CSDC2: variants seen among roughly 807,000 people sequenced by gnomAD.
The protein encoded by CSDC2 is cold shock domain containing C2, also known as cold shock domain-containing protein C2.
Under a neutral mutation model 15.8 loss-of-function variants are expected in CSDC2, and 8 were observed. That is an observed-to-expected ratio of 0.51 (90% CI 0.30 to 0.92). The LOEUF (loss-of-function observed/expected upper bound fraction) is 0.92, where lower values mean the gene tolerates loss of function less well. CSDC2 is among the 40% of genes least tolerant of loss of function. The pLI, the probability that CSDC2 is intolerant of heterozygous loss-of-function variation, is 0.07. For synonymous variants in CSDC2, 96 were observed against 92.3 expected (o/e 1.04, Z -0.23); for missense variants, 195 against 213.3 (o/e 0.91, Z 0.53).
At chr22:41,566,414 A>T in intron 1 of CSDC2, among the ~76,000 whole-genome samples, 1 of 145,018 alleles carries the variant, frequency 6.9e-6, no homozygotes, top group Non-Finnish European at 1.5e-5. Flanking sequence ...ACTGCACTCC[A>T]GCCTGTTCAC....
intron 1 of CSDC2, among the ~76,000 whole-genome samples, chr22:41,571,470 T>C (rs940118089): frequency 2.0e-5 from 3 of 152,194 alleles, no homozygotes; most frequent in Admixed American, 6.5e-5. Context: ...ATGTTGGAGC[T>C]GATGTGTGGC....
chr22:41,565,470 A>G (rs1023566668), intron 1 of CSDC2, among the ~76,000 whole-genome samples: 6 of 149,232 alleles, frequency 4.0e-5, no homozygotes, highest in African/African-American at 1.5e-4. Context: ...AAAAAAAAAA[A>G]GAGGACTATG....
intron 1 of CSDC2, among the ~76,000 whole-genome samples, chr22:41,562,359 ATGTC>A (rs1351850364): frequency 7.0e-6 from 1 of 142,574 alleles, no homozygotes; most frequent in East Asian, 2.0e-4. Flanking sequence ...TTCTCCAAAA[ATGTC>A]TGTTTTCTGT....
intron 2 of CSDC2, among the ~76,000 whole-genome samples, chr22:41,572,695 G>A (rs1482568207): frequency 6.6e-6 from 1 of 152,196 alleles, no homozygotes; most frequent in South Asian, 2.1e-4. Flanking sequence ...TATGGAAGAT[G>A]TATCAGGTGA....
At chr22:41,574,080 T>C (rs1327933545) in intron 3 of CSDC2, among the ~76,000 whole-genome samples, 2 of 152,192 alleles carry the variant, frequency 1.3e-5, no homozygotes, top group Non-Finnish European at 2.9e-5. Flanking sequence ...AGGGCCTTCA[T>C]GTGGGTGGGC....
chr22:41,568,164 G>T (rs73178647), intron 1 of CSDC2, among the ~76,000 whole-genome samples: 2 of 139,884 alleles, frequency 1.4e-5, no homozygotes, highest in Non-Finnish European at 3.0e-5. Context: ...TTGCTCTGTC[G>T]CCCAGGCTGT....
At position 41,571,358 on chromosome 22, in the gene CSDC2, C is replaced by CA. The variant is rs922097173; in HGVS notation, c.-123-474dup. 7.6e-4 allele frequency among the ~76,000 whole-genome samples: 111 copies of CA among 146,840 alleles called. 1 individual carries two copies. Among genetic ancestry groups the CA allele is most frequent in the African/African-American group, 1.4e-3 (57 of 40,320 alleles). ...AACAAGAGTGAGACTCTGTCTAAAA[C>CA]AAAAAAAAAAATTTGACCAGAGCCA... is the stretch of plus-strand genomic sequence containing the variant. On this transcript the variant is annotated intron_variant, in intron 1 of 3. Transcript: ENST00000306149.
chr22:41,567,948 C>T (rs1001727995), intron 1 of CSDC2, among the ~76,000 whole-genome samples: 5 of 152,118 alleles, frequency 3.3e-5, no homozygotes, highest in African/African-American at 4.8e-5. Flanking sequence ...TGGCCCAGCT[C>T]GGCTGGGTCT....
intron 2 of CSDC2, 74 bp from the exon 3 acceptor site, chr22:41,573,581 G>A: frequency 6.5e-7 from 1 of 1,527,762 alleles, no homozygotes; most frequent in Non-Finnish European, 8.9e-7. Context: ...CAGCAGAAAG[G>A]GCCCAGAATG....
chr22:41,562,406 C>CAAAAA (rs10642302), intron 1 of CSDC2, among the ~76,000 whole-genome samples: 17 of 132,000 alleles, frequency 1.3e-4, no homozygotes, highest in African/African-American at 4.5e-4. Context: ...TCACCCCCTT[C>CAAAAA]AAAAAAAAAA....
intron 1 of CSDC2, among the ~76,000 whole-genome samples, chr22:41,570,979 T>G: frequency 7.9e-6 from 1 of 126,278 alleles, no homozygotes. Context: ...TGAGACCATG[T>G]CTCAAAAAAA....
chr22:41,562,590 G>C (rs1384829332), intron 1 of CSDC2, among the ~76,000 whole-genome samples: 1 of 152,076 alleles, frequency 6.6e-6, no homozygotes, highest in African/African-American at 2.4e-5. Context: ...GGCTGGTGGG[G>C]AGGGGACACC....
chr22:41,573,879 G>A, intron 3 of CSDC2, 102 bp downstream of exon 3: 2 of 1,413,916 alleles, frequency 1.4e-6, no homozygotes, highest in South Asian at 1.3e-5. Flanking sequence ...GCTGAGGTCT[G>A]TATTCATGGT....
chr22:41,567,439 T>A (rs2067121938), intron 1 of CSDC2, among the ~76,000 whole-genome samples: 1 of 152,244 alleles, frequency 6.6e-6, no homozygotes, highest in African/African-American at 2.4e-5. Context: ...GTAAAGACTT[T>A]TGCACAGTAC....
At chr22:41,567,552 C>T (rs1273937815) in intron 1 of CSDC2, among the ~76,000 whole-genome samples, 3 of 152,246 alleles carry the variant, frequency 2.0e-5, no homozygotes, top group Non-Finnish European at 4.4e-5. Context: ...TCTCCATCTT[C>T]CCTTCTCTCT....
intron 1 of CSDC2, among the ~76,000 whole-genome samples, chr22:41,566,493 G>C (rs982454573): frequency 2.0e-5 from 3 of 150,332 alleles, no homozygotes; most frequent in African/African-American, 7.4e-5. Context: ...TGGGTGTGGT[G>C]GTGGGCGTCT....
At chr22:41,570,308 C>T (rs1015860295) in intron 1 of CSDC2, among the ~76,000 whole-genome samples, 1 of 152,142 alleles carries the variant, frequency 6.6e-6, no homozygotes, top group African/African-American at 2.4e-5. Flanking sequence ...TACTACTCCA[C>T]CTCCACCCCT....
chr22:41,572,720 G>T (rs1430152693), intron 2 of CSDC2, among the ~76,000 whole-genome samples: 2 of 152,176 alleles, frequency 1.3e-5, no homozygotes, highest in East Asian at 3.9e-4. Context: ...GGGAGCTGGC[G>T]ATTCTGGGCA....
intron 1 of CSDC2, among the ~76,000 whole-genome samples, chr22:41,571,252 G>A (rs1363833297): frequency 6.6e-6 from 1 of 152,092 alleles, no homozygotes; most frequent in Non-Finnish European, 1.5e-5. Context: ...TACTCAGGAG[G>A]CTGAGGCAGG....
Sources: allele counts gnomAD v4.1 joint callset (sites outside exome capture counted in the v4.1 genomes callset), GRCh38; gene constraint gnomAD v4.1.1; transcripts MANE v1.5; gene names NCBI Gene and HGNC (gene_info 2026-07-23, HGNC 2026-07-21).